Variants in DDX4 observed in about 807,000 individuals in gnomAD.
DDX4 encodes the protein DEAD-box helicase 4, also known as probable ATP-dependent RNA helicase DDX4.
Under a neutral mutation model 100.0 loss-of-function variants are expected in DDX4, and 25 were observed. The ratio of observed to expected loss-of-function variants is 0.25; its 90% CI spans 0.18 to 0.35. DDX4 has a LOEUF of 0.35. DDX4 is among the 10% of genes least tolerant of loss of function. The pLI is 1.00. For missense variants in DDX4, 635 were observed against 882.4 expected (o/e 0.72, Z 3.55); for synonymous variants, 259 against 275.7 (o/e 0.94, Z 0.60).
intron 15 of DDX4, among the ~76,000 whole-genome samples, chr5:55,788,462 C>T (rs1742367512): frequency 6.6e-6 from 1 of 151,430 alleles, no homozygotes; most frequent in South Asian, 2.1e-4. Flanking sequence ...GACCCTGTCT[C>T]CAAAAAAGTA....
chr5:55,804,103 G>C (rs1278386674), intron 18 of DDX4, among the ~76,000 whole-genome samples: 5 of 151,932 alleles, frequency 3.3e-5, no homozygotes, highest in Admixed American at 6.6e-5. Context: ...TGTGGTTTTT[G>C]GCTGCATAAA....
chr5:55,766,050 C>A (rs1182150378), intron 6 of DDX4, among the ~76,000 whole-genome samples: 1 of 151,168 alleles, frequency 6.6e-6, no homozygotes, highest in Non-Finnish European at 1.5e-5. Context: ...AACTCCTGAC[C>A]TCACGATCTG....
chr5:55,746,567 A>G (rs1413610246), intron 3 of DDX4, among the ~76,000 whole-genome samples: 1 of 152,224 alleles, frequency 6.6e-6, no homozygotes, highest in Admixed American at 6.5e-5. Context: ...GCAGGTTACA[A>G]TGGTGATGAC....
At chr5:55,740,274 A>G (rs925778989) in intron 2 of DDX4, among the ~76,000 whole-genome samples, 4 of 151,836 alleles carry the variant, frequency 2.6e-5, no homozygotes, top group South Asian at 2.1e-4. Flanking sequence ...GGTTCAAGCA[A>G]TTCTCCTGCC....
At chr5:55,762,869 A>G (rs949226577) in intron 4 of DDX4, among the ~76,000 whole-genome samples, 15 of 152,202 alleles carry the variant, frequency 9.9e-5, no homozygotes, top group African/African-American at 1.9e-4. Flanking sequence ...AGCTGGCTCT[A>G]TCAGGATGAG....
rs3990072 is a variant in DDX4, at chr5:55,796,823, C to CTTTTTTTTTTTTTTT, written c.1470-1583_1470-1569dup. 1.6e-3 allele frequency among the ~76,000 whole-genome samples: 93 copies of CTTTTTTTTTTTTTTT among 59,944 alleles called. 4 individuals are homozygous for CTTTTTTTTTTTTTTT. Among genetic ancestry groups the CTTTTTTTTTTTTTTT allele is most frequent in the Non-Finnish European group, 2.1e-3 (66 of 30,914 alleles). 39.3% of individuals were successfully genotyped at this position (59,944 alleles called of 152,430 possible). On this transcript the variant is annotated intron_variant, in intron 17 of 21. Transcript: ENST00000505374. ...TTTTCTTTTCTTTTTTTCTTTCTTT[C>CTTTTTTTTTTTTTTT]TTTTTTTTTTTTTTTTTTTTTTTTT...
chr5:55,786,466 G>C, intron 13 of DDX4, 52 bp from the exon 14 acceptor site: 1 of 1,380,282 alleles, frequency 7.2e-7, no homozygotes, highest in Non-Finnish European at 1.0e-6. Context: ...GCTTATAAAT[G>C]ATCTGCATAT....
At chr5:55,783,676 T>TG (rs1223568788) in intron 10 of DDX4, among the ~76,000 whole-genome samples, 162 of 108,112 alleles carry the variant, frequency 1.5e-3, no homozygotes, top group African/African-American at 4.5e-3. Flanking sequence ...GATGGATGGA[T>TG]GAATGGATGG....
At chr5:55,787,182 C>T (rs1391161644) in intron 14 of DDX4, among the ~76,000 whole-genome samples, 1 of 152,126 alleles carries the variant, frequency 6.6e-6, no homozygotes, top group Non-Finnish European at 1.5e-5. Flanking sequence ...AGATGAGACT[C>T]TTATTTCTAT....
intron 2 of DDX4, among the ~76,000 whole-genome samples, chr5:55,739,275 A>G (rs571376481): frequency 7.9e-5 from 12 of 152,366 alleles, no homozygotes; most frequent in East Asian, 5.8e-4. Context: ...TTAAATCTCA[A>G]TGATTTAGGA....
At position 55,792,695 on chromosome 5, in the gene DDX4, G is replaced by T; in HGVS notation, c.1357G>T (p.Asp453Tyr). ...LVLDEADRML[D>Y]MGFGPEMKKL... Reference sequence around the variant, plus strand: ...TTTGGATGAAGCTGATCGCATGTTGGATATGGGTTTTGGTCCAGAAATGAA... The same window carrying T: ...TTTGGATGAAGCTGATCGCATGTTGTATATGGGTTTTGGTCCAGAAATGAA... Residue 453 changes from aspartate to tyrosine, a missense_variant, in exon 17 of 22, where the codon GAT becomes TAT. Transcript: ENST00000505374. 6.2e-7 allele frequency: 1 copy of T among 1,601,152 alleles called. No homozygotes were observed. The highest frequency in any genetic ancestry group is 8.5e-7 in the Non-Finnish European group (1 of 1,172,204).
At chr5:55,740,933 A>T (rs1287428415) in intron 2 of DDX4, among the ~76,000 whole-genome samples, 1 of 152,152 alleles carries the variant, frequency 6.6e-6, no homozygotes, top group Admixed American at 6.5e-5. Context: ...TATTGTCATT[A>T]ATGTTTACAT....
rs142697195 is a variant in DDX4 at position 55,798,498 on chromosome 5, T to C, written c.1542T>C (p.Asp514=). The part of the protein sequence containing the change: ...AVGQVGGACR[D]VQQTVLQVGQ... Reference sequence around the variant, plus strand: ...GACAAGTGGGTGGAGCATGTAGAGATGTTCAGCAGACCGTTCTCCAAGTTG... The same window carrying C: ...GACAAGTGGGTGGAGCATGTAGAGACGTTCAGCAGACCGTTCTCCAAGTTG... Residue 514 remains aspartate (D), a synonymous_variant, in exon 18 of 22, where the codon GAT becomes GAC. Coordinates refer to ENST00000505374, the MANE Select transcript of DDX4 (RefSeq NM_024415.3). The C allele has an allele frequency of 1.2e-6, 2 of 1,612,982 alleles. No individual in the cohort carries two copies. The highest frequency in any genetic ancestry group is 2.7e-5 in the African/African-American group (2 of 74,920).
chr5:55,810,881 T>C lies in DDX4; in HGVS notation c.1616-2792T>C, dbSNP rs148728562. The stretch of plus-strand genomic sequence containing the variant: ...ATTCGTGGGTATCAGAAAAACTATT[T>C]GGTTATCAATTTAATTGAAGTGACA... On this transcript the variant is annotated intron_variant, in intron 18 of 21. Coordinates refer to ENST00000505374, the MANE Select transcript of DDX4 (RefSeq NM_024415.3). 4.4e-3 allele frequency among the ~76,000 whole-genome samples: 677 copies of C among 152,232 alleles called. 10 individuals carry two copies. Among genetic ancestry groups the C allele is most frequent in the African/African-American group, 0.016 (645 of 41,554 alleles).
Position 55,763,300 on chromosome 5 carries a change from T to G in DDX4, c.283+48T>G, listed in dbSNP as rs747908180. 26 of 1,214,208 alleles carry G rather than the reference T, an allele frequency of 2.1e-5. No homozygotes were observed. The South Asian group carries it at 2.4e-4, about 11-fold the overall frequency. The allele number at this position is 1,214,208 out of a possible 1,614,324, so 75.2% of individuals were successfully genotyped here. ...TTACAATCAAAACTTGAGTGATTTT[T>G]TAATAATTGAGTTTAAATACTGATT... On this transcript the variant is annotated intron_variant, in intron 5 of 21. Coordinates refer to ENST00000505374, the MANE Select transcript of DDX4 (RefSeq NM_024415.3).
intron 18 of DDX4, 128 bp from the exon 19 acceptor site, chr5:55,813,545 G>T: frequency 7.8e-7 from 1 of 1,276,764 alleles, no homozygotes; most frequent in Non-Finnish European, 1.0e-6. Flanking sequence ...TACCAGGCTT[G>T]GCTGTGGTGC....
intron 6 of DDX4, among the ~76,000 whole-genome samples, chr5:55,767,199 G>T (rs1467676832): frequency 6.6e-6 from 1 of 152,192 alleles, no homozygotes; most frequent in African/African-American, 2.4e-5. Context: ...CAGCACTTTG[G>T]GAGGCCAAGG....
chr5:55,765,409 A>ATATAT (rs1416478232), intron 6 of DDX4, among the ~76,000 whole-genome samples: 111 of 104,718 alleles, frequency 1.1e-3, no homozygotes, highest in Middle Eastern at 4.7e-3. Context: ...AAAAAAAAAA[A>ATATAT]AAAAATATAT....
intron 17 of DDX4, among the ~76,000 whole-genome samples, chr5:55,795,327 G>A (rs1451008201): frequency 6.6e-6 from 1 of 152,130 alleles, no homozygotes; most frequent in Non-Finnish European, 1.5e-5. Context: ...AGTAACTCAC[G>A]TTCATGTCCA....
Sources: gnomAD v4.1 joint callset for allele counts (sites outside exome capture counted in the v4.1 genomes callset) on GRCh38, gnomAD v4.1.1 for gene constraint, MANE v1.5 for transcripts, NCBI Gene and HGNC (gene_info 2026-07-23, HGNC 2026-07-21) for gene names.